STRBP: variants seen among roughly 807,000 people sequenced by gnomAD.
STRBP encodes spermatid perinuclear RNA-binding protein.
STRBP carries 13 observed loss-of-function variants against 80.1 expected under a neutral mutation model. That is an observed-to-expected ratio of 0.16 (90% confidence interval 0.11 to 0.26). The LOEUF (loss-of-function observed/expected upper bound fraction) is 0.26, where lower values mean the gene tolerates loss of function less well. Ranked by LOEUF, STRBP falls within the 10% of genes least tolerant of loss-of-function variation. The pLI is 1.00. For missense variants in STRBP, 485 were observed against 815.2 expected, an observed-to-expected ratio of 0.59 and a Z score of 4.93; for synonymous variants, 284 against 291.2, an observed-to-expected ratio of 0.98 and a Z score of 0.25.
intron 1 of STRBP, among the ~76,000 whole-genome samples, chr9:123,245,371 TTTC>T (rs1429787134): frequency 6.6e-6 from 1 of 152,192 alleles, no homozygotes; most frequent in Non-Finnish European, 1.5e-5. Flanking sequence ...AGCATCTGTA[TTTC>T]TTTTTTTTGT....
chr9:123,123,591 A>G lies in STRBP; in HGVS notation c.*2006T>C, dbSNP rs2035798578. 6.1e-6 allele frequency: 6 copies of G among 985,442 alleles called. No individual in the cohort carries two copies. Among genetic ancestry groups the G allele is most frequent in the Non-Finnish European group, 6.0e-6 (5 of 829,930 alleles). 61.0% of individuals were successfully genotyped at this position (985,442 alleles called of 1,614,324 possible). A position where few individuals can be genotyped will look rare whatever the true frequency, so the allele number is the denominator to read the frequency against. On this transcript the variant is annotated 3_prime_UTR_variant, in exon 19 of 19. Coordinates refer to ENST00000348403, the MANE Select transcript of STRBP (RefSeq NM_018387.5). ...TTGAAATGACTGCCATCATGTTGGA[A>G]AACAGCACAGCTCCCTTTTCACCAT...
intron 17 of STRBP, among the ~76,000 whole-genome samples, chr9:123,130,951 G>C (rs2036111778): frequency 6.6e-6 from 1 of 151,830 alleles, no homozygotes; most frequent in Non-Finnish European, 1.5e-5. Context: ...GCCTGGGTTA[G>C]TAGTCTTCAG....
intron 1 of STRBP, among the ~76,000 whole-genome samples, chr9:123,254,761 T>G (rs2040992828): frequency 6.6e-6 from 1 of 152,282 alleles, no homozygotes; most frequent in Admixed American, 6.5e-5. Flanking sequence ...GAAAATTTTC[T>G]CATTTCAGGA....
intron 3 of STRBP, among the ~76,000 whole-genome samples, chr9:123,179,485 T>A (rs1050252694): frequency 6.6e-6 from 1 of 152,174 alleles, no homozygotes; most frequent in Admixed American, 6.5e-5. Flanking sequence ...TTATAAATAA[T>A]GTTATCCTGG....
intron 2 of STRBP, among the ~76,000 whole-genome samples, chr9:123,202,780 T>C (rs2039373538): frequency 1.3e-5 from 2 of 152,182 alleles, no homozygotes; most frequent in South Asian, 4.1e-4. Flanking sequence ...TTGTTATCCA[T>C]TGTATGCCTA....
At chr9:123,256,879 A>G (rs950204246) in intron 1 of STRBP, among the ~76,000 whole-genome samples, 1 of 151,818 alleles carries the variant, frequency 6.6e-6, no homozygotes, top group African/African-American at 2.4e-5. Flanking sequence ...CCATGTAGAC[A>G]GTGGCTCCAG....
chr9:123,190,465 T>C (rs1360833109), intron 2 of STRBP, among the ~76,000 whole-genome samples: 1 of 67,938 alleles, frequency 1.5e-5, no homozygotes, highest in Non-Finnish European at 5.3e-5. Flanking sequence ...TTCTTTTTCA[T>C]GTAAAAAAAA....
intron 2 of STRBP, among the ~76,000 whole-genome samples, chr9:123,215,843 C>T (rs943476798): frequency 5.9e-5 from 9 of 152,132 alleles, no homozygotes; most frequent in African/African-American, 1.2e-4. Context: ...TAAAATTCTA[C>T]GAACAAGAAG....
chr9:123,134,912 C>T (rs752203643), intron 16 of STRBP, among the ~76,000 whole-genome samples: 12 of 152,186 alleles, frequency 7.9e-5, no homozygotes, highest in Non-Finnish European at 1.0e-4. Flanking sequence ...TTTCGACATG[C>T]GTAATTTAAA....
At chr9:123,154,651 G>A (rs1256848584) in intron 11 of STRBP, among the ~76,000 whole-genome samples, 3 of 152,182 alleles carry the variant, frequency 2.0e-5, no homozygotes, top group Non-Finnish European at 4.4e-5. Context: ...AGAGAAAAGT[G>A]TTCCTCTGTA....
intron 16 of STRBP, among the ~76,000 whole-genome samples, chr9:123,135,420 A>T (rs2036310017): frequency 6.6e-6 from 1 of 152,204 alleles, no homozygotes; most frequent in Non-Finnish European, 1.5e-5. Context: ...ATGTATGACT[A>T]GAAAATGTTT....
intron 1 of STRBP, among the ~76,000 whole-genome samples, chr9:123,243,265 C>CAAAAAAAAAA (rs1160280485): frequency 7.9e-3 from 619 of 78,212 alleles, no homozygotes; most frequent in East Asian, 0.01. Flanking sequence ...ATCAATAAGA[C>CAAAAAAAAAA]AAAAAAAAAA....
intron 6 of STRBP, among the ~76,000 whole-genome samples, chr9:123,166,003 A>G (rs2037742359): frequency 6.6e-6 from 1 of 152,242 alleles, no homozygotes; most frequent in South Asian, 2.1e-4. Context: ...TAATCAGACA[A>G]TATGCTGACT....
At chr9:123,173,575 T>G (rs1193786260) in intron 5 of STRBP, 102 bp downstream of exon 5, 1 of 1,266,602 alleles carries the variant, frequency 7.9e-7, no homozygotes, top group Admixed American at 2.4e-5. Context: ...TCTGTGTCTA[T>G]CCTATTAGCT....
intron 1 of STRBP, among the ~76,000 whole-genome samples, chr9:123,248,639 G>A (rs948953785): frequency 1.8e-4 from 28 of 152,088 alleles, no homozygotes; most frequent in African/African-American, 6.5e-4. Context: ...TAAAAATAGG[G>A]TAACAATGTG....
chr9:123,166,794 A>C (rs1227956868), intron 6 of STRBP, among the ~76,000 whole-genome samples: 13 of 144,748 alleles, frequency 9.0e-5, no homozygotes, highest in African/African-American at 3.5e-4. Flanking sequence ...ACAACAACAA[A>C]AAAACAAGCC....
chr9:123,140,981 T>TA (rs2132334313), intron 13 of STRBP, among the ~76,000 whole-genome samples: 1 of 152,326 alleles, frequency 6.6e-6, no homozygotes, highest in South Asian at 2.1e-4. Flanking sequence ...TGTCACTAAT[T>TA]AGAGGTTTAC....
At chr9:123,185,985 T>C (rs2038681223) in intron 2 of STRBP, among the ~76,000 whole-genome samples, 1 of 129,396 alleles carries the variant, frequency 7.7e-6, no homozygotes, top group African/African-American at 3.1e-5. Context: ...TCAGCCAAGA[T>C]CACGCCACTA....
chr9:123,256,018 C>CTT (rs11338372), intron 1 of STRBP, among the ~76,000 whole-genome samples: 77 of 71,488 alleles, frequency 1.1e-3, no homozygotes, highest in African/African-American at 1.4e-3. Context: ...TCCTTTCTTT[C>CTT]TTTTTTTTTT....
Sources: allele counts gnomAD v4.1 joint callset (sites outside exome capture counted in the v4.1 genomes callset), GRCh38; gene constraint gnomAD v4.1.1; transcripts MANE v1.5; gene names NCBI Gene and HGNC (gene_info 2026-07-23, HGNC 2026-07-21).